The following PRKCI variants were observed in gnomAD, a reference collection of about 807,000 sequenced individuals.
PRKCI encodes the protein protein kinase C iota, also known as protein kinase C iota type.
A neutral mutation model predicts 84.0 loss-of-function variants in PRKCI; 43 were observed. The observed-to-expected ratio is 0.51, with a 90% CI of 0.40 to 0.66. The LOEUF is 0.66. Ranked by LOEUF, PRKCI falls within the 30% of genes least tolerant of loss-of-function variation. PRKCI has a pLI of 0.00. For missense variants in PRKCI, 459 were observed against 745.6 expected (o/e 0.62, Z 4.48); for synonymous variants, 216 against 234.4 (o/e 0.92, Z 0.72).
At chr3:170,254,428 A>C (rs1308281097) in intron 2 of PRKCI, among the ~76,000 whole-genome samples, 1 of 152,178 alleles carries the variant, frequency 6.6e-6, no homozygotes, top group African/African-American at 2.4e-5. Context: ...TAGTAGTTGC[A>C]TAGTTTGAGG....
chr3:170,294,045 TCA>T (rs780115407), intron 14 of PRKCI, among the ~76,000 whole-genome samples: 3 of 152,166 alleles, frequency 2.0e-5, no homozygotes, highest in Non-Finnish European at 4.4e-5. Context: ...TCACTCCTGT[TCA>T]CAGTTACCTT....
intron 10 of PRKCI, 161 bp from the exon 11 acceptor site, chr3:170,281,721 A>G (rs1239367306): frequency 4.6e-6 from 4 of 863,326 alleles, no homozygotes; most frequent in African/African-American, 3.5e-5. Context: ...ACTTTCTCGT[A>G]TGTTCCGTAC....
At chr3:170,260,318 A>C (rs528380770) in intron 3 of PRKCI, among the ~76,000 whole-genome samples, 270 of 152,280 alleles carry the variant, frequency 1.8e-3, no homozygotes, top group Non-Finnish European at 3.3e-3. Context: ...ATCACAGCAA[A>C]TTTATGATAG....
At chr3:170,265,101 A>C (rs1314308439) in intron 4 of PRKCI, among the ~76,000 whole-genome samples, 3 of 151,792 alleles carry the variant, frequency 2.0e-5, no homozygotes, top group Non-Finnish European at 2.9e-5. Flanking sequence ...AGGCAGGAGA[A>C]TTGCTTGAAC....
intron 14 of PRKCI, among the ~76,000 whole-genome samples, chr3:170,294,463 T>C (rs1312336147): frequency 2.0e-5 from 3 of 152,238 alleles, no homozygotes; most frequent in Admixed American, 6.5e-5. Flanking sequence ...GCACATTAAA[T>C]GTTAATGAGT....
intron 2 of PRKCI, among the ~76,000 whole-genome samples, chr3:170,241,432 A>G (rs1038195131): frequency 6.6e-6 from 1 of 152,088 alleles, no homozygotes; most frequent in African/African-American, 2.4e-5. Flanking sequence ...TTGCCTTTGT[A>G]TGCCTGGCTT....
Position 170,222,635 on chromosome 3 carries a change from C to T in PRKCI, c.-35C>T, listed in dbSNP as rs1448713189. 2 of 1,520,806 alleles carry T rather than the reference C, an allele frequency of 1.3e-6. No individual in the cohort carries two copies. The highest frequency in any genetic ancestry group is 2.5e-5 in the South Asian group (2 of 81,428). 94.2% of individuals were successfully genotyped at this position (1,520,806 alleles called of 1,614,324 possible). On this transcript the variant is annotated 5_prime_UTR_variant, in exon 1 of 18. Transcript: ENST00000295797. Reference sequence around the variant, plus strand: ...GGCGCCCGAAGCGCCCCCCCGCACCCCCGGCCTCCAGCGTTGAGGCGGGGG... The same window carrying T: ...GGCGCCCGAAGCGCCCCCCCGCACCTCCGGCCTCCAGCGTTGAGGCGGGGG...
intron 4 of PRKCI, 88 bp from the exon 5 acceptor site, chr3:170,267,827 A>T (rs1733901935): frequency 1.1e-6 from 1 of 912,850 alleles, no homozygotes; most frequent in Middle Eastern, 2.7e-4. Flanking sequence ...TGCAGTGAGT[A>T]TCATGAAAAA....
Position 170,222,562 on chromosome 3 carries a change from G to GCGGA in PRKCI, c.-104_-101dup, listed in dbSNP as rs1400017292. On this transcript the variant is annotated 5_prime_UTR_variant, in exon 1 of 18. Transcript: ENST00000295797. ...GCGGGCGAGGTGGGCAGGTAGGTGG[G>GCGGA]CGGACGGCCGCGGTTCTCCGGCAAG... 3 of 981,728 alleles carry GCGGA rather than the reference G, an allele frequency of 3.1e-6. No individual in the cohort carries two copies. The highest frequency in any genetic ancestry group is 4.3e-6 in the Non-Finnish European group (3 of 694,606). The allele number at this position is 981,728 out of a possible 1,614,324, so 60.8% of individuals were successfully genotyped here. A position where few individuals can be genotyped will look rare whatever the true frequency, so the allele number is the denominator to read the frequency against.
chr3:170,227,605 G>A (rs1011167796), intron 1 of PRKCI, among the ~76,000 whole-genome samples: 9 of 152,162 alleles, frequency 5.9e-5, no homozygotes, highest in African/African-American at 2.2e-4. Flanking sequence ...TAAGTTTGCA[G>A]AATTAAGATC....
chr3:170,276,100 A>AT (rs1257432366), intron 8 of PRKCI, among the ~76,000 whole-genome samples: 1 of 151,568 alleles, frequency 6.6e-6, no homozygotes, highest in Non-Finnish European at 1.5e-5. Flanking sequence ...CACCCAGCTA[A>AT]TTTTTTCATT....
Position 170,287,489 on chromosome 3 carries a change from AGTT to A in PRKCI, c.1203+2897_1203+2899del, listed in dbSNP as rs1311878785. ...TCTGTTTACTTTTCAGCATTTTTCA[AGTT>A]GTTATTTTAAAATGTTATGTTAAAT... On this transcript the variant is annotated intron_variant, in intron 12 of 17. Transcript: ENST00000295797. Among the ~76,000 whole-genome samples the A allele has an allele frequency of 4.6e-5, 7 of 151,750 alleles. No homozygotes were observed. In the South Asian group the frequency reaches 8.3e-4, roughly 18 times the overall value.
intron 2 of PRKCI, among the ~76,000 whole-genome samples, chr3:170,240,972 T>G (rs998086853): frequency 6.6e-6 from 1 of 152,236 alleles, no homozygotes; most frequent in African/African-American, 2.4e-5. Context: ...CATAAATTCT[T>G]GTGTAACAAA....
chr3:170,273,448 T>A, intron 7 of PRKCI, 108 bp downstream of exon 7: 2 of 999,920 alleles, frequency 2.0e-6, no homozygotes, highest in Non-Finnish European at 3.1e-6. Flanking sequence ...TCTTCCCAAT[T>A]AAAAGTAAAT....
chr3:170,235,650 C>T (rs982171732), intron 2 of PRKCI, among the ~76,000 whole-genome samples: 4 of 151,408 alleles, frequency 2.6e-5, no homozygotes, highest in Non-Finnish European at 5.9e-5. Context: ...ACCAAAACCT[C>T]CACCTCCCGG....
chr3:170,282,074 AATT>A (rs1337297979), intron 11 of PRKCI, 106 bp downstream of exon 11: 3 of 1,174,006 alleles, frequency 2.6e-6, no homozygotes, highest in Admixed American at 2.7e-5. Context: ...GATACTAGTT[AATT>A]ATTTGTAAGT....
In PRKCI at chr3:170,281,280, G is replaced by A. The variant is rs769172336; in HGVS notation, c.980+17G>A. The A allele has an allele frequency of 2.9e-5, 46 of 1,600,202 alleles. No individual in the cohort carries two copies. Among genetic ancestry groups the A allele is most frequent in the Non-Finnish European group, 3.9e-5 (46 of 1,167,742 alleles). On this transcript the variant is annotated intron_variant, in intron 10 of 17. Coordinates refer to ENST00000295797, the MANE Select transcript of PRKCI (RefSeq NM_002740.6). ...AGAAAGCAGGTAAGATTGAAAGATA[G>A]TAGAATGATTACTGGGCTTCATATT...
intron 2 of PRKCI, among the ~76,000 whole-genome samples, chr3:170,249,387 AGAGAGAGAGAAAG>A (rs1467140208): frequency 6.6e-6 from 1 of 152,050 alleles, no homozygotes; most frequent in African/African-American, 2.4e-5. Context: ...TACGACAGAG[AGAGAGAGAGAAAG>A]GAGAGAGAGA....
At chr3:170,298,335 T>G (rs1269654892) in intron 16 of PRKCI, among the ~76,000 whole-genome samples, 4 of 151,730 alleles carry the variant, frequency 2.6e-5, no homozygotes, top group African/African-American at 9.7e-5. Flanking sequence ...GCTTAAGAGA[T>G]CCTCCTGTGT....
Sources: allele counts gnomAD v4.1 joint callset (sites outside exome capture counted in the v4.1 genomes callset), GRCh38; gene constraint gnomAD v4.1.1; transcripts MANE v1.5; gene names NCBI Gene and HGNC (gene_info 2026-07-23, HGNC 2026-07-21).